Variants in BMPR2 observed in about 807,000 individuals in gnomAD.
The protein encoded by BMPR2 is bone morphogenetic protein receptor type-2.
BMPR2 carries 29 observed loss-of-function variants against 100.8 expected under a neutral mutation model. The ratio of observed to expected loss-of-function variants is 0.29; its 90% CI spans 0.21 to 0.39. The LOEUF is 0.39. Among genes scored for constraint, BMPR2 ranks in the 10% least tolerant of loss-of-function variants. BMPR2 has a pLI of 1.00. For missense variants in BMPR2, 1,011 were observed against 1,274.5 expected, an observed-to-expected ratio of 0.79 and a Z score of 3.15; for synonymous variants, 382 against 442.3, an observed-to-expected ratio of 0.86 and a Z score of 1.71.
chr2:202,497,759 A>T (rs1024452383), intron 3 of BMPR2, among the ~76,000 whole-genome samples: 1 of 152,218 alleles, frequency 6.6e-6, no homozygotes, highest in African/African-American at 2.4e-5. Flanking sequence ...TCTGAGGCTA[A>T]TTAGACCCAC....
At chr2:202,397,676 T>G (rs979321886) in intron 1 of BMPR2, among the ~76,000 whole-genome samples, 2 of 151,438 alleles carry the variant, frequency 1.3e-5, no homozygotes, top group South Asian at 2.1e-4. Flanking sequence ...TTTAAAAAAT[T>G]TTTTTTAGAG....
At chr2:202,477,088 C>A (rs1307426368) in intron 3 of BMPR2, among the ~76,000 whole-genome samples, 1 of 152,096 alleles carries the variant, frequency 6.6e-6, no homozygotes, top group African/African-American at 2.4e-5. Flanking sequence ...GTTAAACTTG[C>A]TAAACATAAC....
At chr2:202,415,172 A>G (rs1691099304) in intron 1 of BMPR2, among the ~76,000 whole-genome samples, 1 of 152,148 alleles carries the variant, frequency 6.6e-6, no homozygotes. Flanking sequence ...TAGGACTTTT[A>G]TAACTGGAGA....
At chr2:202,399,970 G>A (rs1480666115) in intron 1 of BMPR2, among the ~76,000 whole-genome samples, 1 of 152,090 alleles carries the variant, frequency 6.6e-6, no homozygotes, top group Admixed American at 6.6e-5. Flanking sequence ...AATTAGCAGG[G>A]TGTGATGGCA....
intron 1 of BMPR2, among the ~76,000 whole-genome samples, chr2:202,413,924 A>G (rs886565161): frequency 2.6e-5 from 4 of 152,300 alleles, no homozygotes; most frequent in African/African-American, 9.6e-5. Flanking sequence ...TTAGCCTCCC[A>G]AAGTGCTGGG....
chr2:202,403,285 C>A (rs909302025), intron 1 of BMPR2, among the ~76,000 whole-genome samples: 1 of 150,310 alleles, frequency 6.7e-6, no homozygotes, highest in East Asian at 2.0e-4. Context: ...CTGCAGCCTC[C>A]GCCTCCCGGG....
chr2:202,546,126 A>G (rs1157597824), intron 10 of BMPR2, among the ~76,000 whole-genome samples: 1 of 152,230 alleles, frequency 6.6e-6, no homozygotes, highest in Non-Finnish European at 1.5e-5. Context: ...GGAATTCATA[A>G]TACTTGGTTC....
In BMPR2 at chr2:202,561,392, AT is replaced by A. The variant is rs1688676955; in HGVS notation, c.*1451del. 2 of 152,102 alleles carry A rather than the reference AT, an allele frequency of 1.3e-5. No homozygotes were observed. Among genetic ancestry groups the A allele is most frequent in the Non-Finnish European group, 2.9e-5 (2 of 67,976 alleles). 9.4% of individuals were successfully genotyped at this position (152,102 alleles called of 1,614,324 possible). On this transcript the variant is annotated 3_prime_UTR_variant, in exon 13 of 13. Transcript: ENST00000374580. ...TAATAAAATGACTTGAAATCATATTATTTTTAAAAGCCCTTTGCTTCTTTCA... is the reference window on the plus strand; with the variant it reads ...TAATAAAATGACTTGAAATCATATTATTTTAAAAGCCCTTTGCTTCTTTCA...
At chr2:202,514,347 A>G (rs1385202502) in intron 4 of BMPR2, among the ~76,000 whole-genome samples, 1 of 152,120 alleles carries the variant, frequency 6.6e-6, no homozygotes, top group Non-Finnish European at 1.5e-5. Context: ...CGTGTTAGCC[A>G]GGATGGTCTC....
At chr2:202,504,708 C>A (rs1439225128) in intron 3 of BMPR2, among the ~76,000 whole-genome samples, 1 of 130,860 alleles carries the variant, frequency 7.6e-6, no homozygotes, top group Admixed American at 8.4e-5. Context: ...TTGAGAGAGT[C>A]GCACTCTGTC....
At chr2:202,496,536 T>TTG (rs1693031990) in intron 3 of BMPR2, among the ~76,000 whole-genome samples, 1 of 152,178 alleles carries the variant, frequency 6.6e-6, no homozygotes, top group Non-Finnish European at 1.5e-5. Context: ...GAAGTTGAAC[T>TTG]TCTAAAACTT....
chr2:202,430,957 C>T (rs1316060539), intron 1 of BMPR2, among the ~76,000 whole-genome samples: 1 of 145,956 alleles, frequency 6.9e-6, no homozygotes, highest in Admixed American at 6.7e-5. Context: ...GAAACTCTGT[C>T]TCCAAAAAAA....
At chr2:202,556,611 A>T (rs1373250948) in intron 12 of BMPR2, 80 bp downstream of exon 12, 1 of 1,465,794 alleles carries the variant, frequency 6.8e-7, no homozygotes, top group Non-Finnish European at 9.4e-7. Flanking sequence ...ACTAATAGAT[A>T]TATTTCAACT....
chr2:202,547,657 C>T (rs1688399413), intron 10 of BMPR2, among the ~76,000 whole-genome samples: 1 of 150,468 alleles, frequency 6.6e-6, no homozygotes, highest in Admixed American at 6.6e-5. Flanking sequence ...GTTGTGCATG[C>T]CTGTAATCCC....
intron 9 of BMPR2, among the ~76,000 whole-genome samples, chr2:202,541,439 T>A (rs143288201): frequency 4.5e-4 from 69 of 152,116 alleles, no homozygotes; most frequent in African/African-American, 1.4e-3. Context: ...TGAAAAAAAA[T>A]TTTTTTAAAG....
At chr2:202,535,462 G>A (rs900230152) in intron 9 of BMPR2, among the ~76,000 whole-genome samples, 4 of 151,404 alleles carry the variant, frequency 2.6e-5, no homozygotes, top group African/African-American at 9.7e-5. Context: ...GCGGGGCAGA[G>A]GCGCTCCCCA....
At chr2:202,396,947 G>A (rs1038054504) in intron 1 of BMPR2, among the ~76,000 whole-genome samples, 19 of 151,958 alleles carry the variant, frequency 1.3e-4, no homozygotes, top group Admixed American at 1.3e-4. Context: ...ACAGTCATGC[G>A]CCACCACGCC....
chr2:202,381,772 A>G (rs565062877), intron 1 of BMPR2, among the ~76,000 whole-genome samples: 3 of 152,270 alleles, frequency 2.0e-5, no homozygotes, highest in East Asian at 3.9e-4. Context: ...TACAAAAGCT[A>G]TTCTGGCATG....
intron 7 of BMPR2, among the ~76,000 whole-genome samples, chr2:202,525,273 G>A (rs940414867): frequency 6.6e-6 from 1 of 151,816 alleles, no homozygotes; most frequent in East Asian, 1.9e-4. Context: ...GTGCAATGGC[G>A]CAATCTCAGT....
Sources: gnomAD v4.1 joint callset for allele counts (sites outside exome capture counted in the v4.1 genomes callset) on GRCh38, gnomAD v4.1.1 for gene constraint, MANE v1.5 for transcripts, NCBI Gene and HGNC (gene_info 2026-07-23, HGNC 2026-07-21) for gene names.